Variants in MBTPS1 observed in about 807,000 individuals in gnomAD.
MBTPS1 encodes membrane-bound transcription factor site-1 protease.
Under a neutral mutation model 127.8 loss-of-function variants are expected in MBTPS1, and 94 were observed. The observed-to-expected ratio is 0.74, with a 90% CI of 0.62 to 0.87. The LOEUF (loss-of-function observed/expected upper bound fraction) is 0.87. MBTPS1 is among the 40% of genes least tolerant of loss of function. The pLI, the probability that MBTPS1 is intolerant of heterozygous loss-of-function variation, is 0.00. For missense variants in MBTPS1, 1,636 were observed against 1,353.2 expected (o/e 1.21, Z -3.28); for synonymous variants, 632 against 509.4 (o/e 1.24, Z -3.24).
At chr16:84,068,291 C>A (rs1156612562) in intron 15 of MBTPS1, 48 bp downstream of exon 15, 1 of 1,251,294 alleles carries the variant, frequency 8.0e-7, no homozygotes, top group Non-Finnish European at 1.2e-6. Context: ...TAACAAACAT[C>A]CAAAGTGGGC....
intron 1 of MBTPS1, among the ~76,000 whole-genome samples, chr16:84,110,179 G>A (rs916497445): frequency 7.9e-5 from 12 of 152,112 alleles, no homozygotes; most frequent in African/African-American, 2.4e-4. Flanking sequence ...GACCACACAC[G>A]TCAGACAGAT....
intron 7 of MBTPS1, 57 bp from the exon 8 acceptor site, chr16:84,090,999 C>CAAA (rs11325729): frequency 2.1e-4 from 163 of 767,998 alleles, no homozygotes; most frequent in South Asian, 9.2e-4. Context: ...ATATAACTGT[C>CAAA]AAAAAAAAAA....
chr16:84,078,947 G>A (rs900464312), intron 11 of MBTPS1, among the ~76,000 whole-genome samples: 1 of 152,154 alleles, frequency 6.6e-6, no homozygotes, highest in African/African-American at 2.4e-5. Flanking sequence ...TTGGATGCTC[G>A]CCCCCTCCCA....
intron 9 of MBTPS1, chr16:84,086,521 G>C (rs1382140266): frequency 2.0e-5 from 3 of 152,662 alleles, no homozygotes; most frequent in Non-Finnish European, 4.4e-5. Context: ...CCCCTGGTGG[G>C]GCTGAGTGGC....
At chr16:84,112,495 T>TA (rs900230557) in intron 1 of MBTPS1, among the ~76,000 whole-genome samples, 98 of 150,364 alleles carry the variant, frequency 6.5e-4, no homozygotes, top group Non-Finnish European at 1.0e-3. Flanking sequence ...CCGTTTCCAC[T>TA]AAAAAATACA....
At chr16:84,116,445 G>T (rs2086480048) in intron 1 of MBTPS1, among the ~76,000 whole-genome samples, 1 of 152,224 alleles carries the variant, frequency 6.6e-6, no homozygotes, top group Admixed American at 6.5e-5. Flanking sequence ...CTGTCTGGAG[G>T]CTCCGGGCCA....
chr16:84,107,420 AC>A (rs2086339906), intron 1 of MBTPS1, among the ~76,000 whole-genome samples: 1 of 151,878 alleles, frequency 6.6e-6, no homozygotes, highest in Non-Finnish European at 1.5e-5. Flanking sequence ...ACAAGGACAC[AC>A]CCCCTTGCTG....
intron 1 of MBTPS1, among the ~76,000 whole-genome samples, chr16:84,111,480 G>T (rs1016858582): frequency 6.6e-6 from 1 of 152,044 alleles, no homozygotes; most frequent in Non-Finnish European, 1.5e-5. Flanking sequence ...GGCAGAGGTT[G>T]CAGTGAGCCA....
chr16:84,095,213 C>A (rs1383638707), intron 4 of MBTPS1, among the ~76,000 whole-genome samples: 1 of 152,332 alleles, frequency 6.6e-6, no homozygotes, highest in African/African-American at 2.4e-5. Flanking sequence ...CCATCTTTCC[C>A]CAAGAAGTGA....
intron 13 of MBTPS1, among the ~76,000 whole-genome samples, 190 bp from the exon 14 acceptor site, chr16:84,070,228 T>G (rs1162313246): frequency 6.6e-6 from 1 of 152,224 alleles, no homozygotes; most frequent in African/African-American, 2.4e-5. Context: ...AGTTTAACAG[T>G]TAAAATTTAA....
At chr16:84,104,232 T>C (rs556295525) in intron 1 of MBTPS1, among the ~76,000 whole-genome samples, 2 of 152,134 alleles carry the variant, frequency 1.3e-5, no homozygotes, top group South Asian at 4.2e-4. Context: ...AGGCTTTTTG[T>C]TGTTGTTGTT....
rs377128396 is a variant in MBTPS1, at chr16:84,064,963, G to C, written c.2431+727C>G. On this transcript the variant is annotated intron_variant, in intron 18 of 22. Coordinates refer to ENST00000343411, the MANE Select transcript of MBTPS1 (RefSeq NM_003791.4). ...CAGAAAATGGCAACTTTAGAAGGGA[G>C]GGGGCCTCTCATTCTGAAATACACA... 9.0e-4 allele frequency among the ~76,000 whole-genome samples: 137 copies of C among 152,294 alleles called. 4 individuals carry two copies. The South Asian group carries it at 0.026, about 29-fold the overall frequency.
chr16:84,083,561 G>T (rs534919715), intron 10 of MBTPS1, among the ~76,000 whole-genome samples: 1 of 152,042 alleles, frequency 6.6e-6, no homozygotes, highest in Admixed American at 6.6e-5. Context: ...AAAGTGCTGG[G>T]ATTACAGGTG....
intron 16 of MBTPS1, among the ~76,000 whole-genome samples, chr16:84,066,930 A>G (rs961500701): frequency 6.6e-6 from 1 of 152,212 alleles, no homozygotes; most frequent in African/African-American, 2.4e-5. Context: ...AGAAGCATAG[A>G]AATGTTCAGT....
chr16:84,096,244 G>A (rs1455063172), intron 3 of MBTPS1, among the ~76,000 whole-genome samples: 1 of 152,130 alleles, frequency 6.6e-6, no homozygotes, highest in Admixed American at 6.5e-5. Context: ...GCAGGCAAAA[G>A]CCATCAAATA....
chr16:84,096,763 G>C (rs937017591), intron 3 of MBTPS1, among the ~76,000 whole-genome samples: 1 of 152,150 alleles, frequency 6.6e-6, no homozygotes, highest in Non-Finnish European at 1.5e-5. Flanking sequence ...CAGTCCAACT[G>C]AAACGGTTCT....
chr16:84,056,430 G>GAGGACACTCCAAGC (rs2085522799), intron 21 of MBTPS1: 1 of 266,512 alleles, frequency 3.8e-6, no homozygotes, highest in Non-Finnish European at 7.3e-6. Context: ...AGCGCCTCGG[G>GAGGACACTCCAAGC]AGGACACTCC....
At chr16:84,113,006 A>C (rs1202010393) in intron 1 of MBTPS1, among the ~76,000 whole-genome samples, 1 of 151,554 alleles carries the variant, frequency 6.6e-6, no homozygotes, top group East Asian at 1.9e-4. Context: ...AATAAATCAT[A>C]CTTTCTGGTA....
In MBTPS1 at chr16:84,099,045, A is replaced by C; in HGVS notation, c.421+8T>G. The C allele has an allele frequency of 6.2e-7, 1 of 1,613,128 alleles. No homozygotes were observed. Among genetic ancestry groups the C allele is most frequent in the South Asian group, 1.1e-5 (1 of 91,020 alleles). On this transcript the variant is annotated splice_region_variant and intron_variant, in intron 3 of 22. Coordinates refer to ENST00000343411, the MANE Select transcript of MBTPS1 (RefSeq NM_003791.4). ...AGAGAGAAATTTGCCTACAGTCACAATACTCACATTCAGCATACTTGAGGG... is the reference window on the plus strand; with the variant it reads ...AGAGAGAAATTTGCCTACAGTCACACTACTCACATTCAGCATACTTGAGGG...
Sources: gnomAD v4.1 joint callset for allele counts (sites outside exome capture counted in the v4.1 genomes callset) on GRCh38, gnomAD v4.1.1 for gene constraint, MANE v1.5 for transcripts, NCBI Gene and HGNC (gene_info 2026-07-23, HGNC 2026-07-21) for gene names.